The following STK4 variants were observed in gnomAD, a reference collection of about 807,000 sequenced individuals.
STK4 encodes serine/threonine kinase 4, also known as serine/threonine-protein kinase 4.
Under a neutral mutation model 64.9 loss-of-function variants are expected in STK4, and 30 were observed. The observed-to-expected ratio is 0.46, with a 90% CI of 0.35 to 0.63. The LOEUF (loss-of-function observed/expected upper bound fraction) is 0.63. Among genes scored for constraint, STK4 ranks in the 20% least tolerant of loss-of-function variants. The probability of loss-of-function intolerance (pLI) is 0.01; values close to 1 mark genes in which losing one functional copy is unlikely to be tolerated. For missense variants in STK4, 466 were observed against 598.5 expected (o/e 0.78, Z 2.31); for synonymous variants, 177 against 199.0 (o/e 0.89, Z 0.93).
intron 10 of STK4, among the ~76,000 whole-genome samples, chr20:45,047,541 T>C (rs772024115): frequency 2.6e-5 from 4 of 152,246 alleles, no homozygotes; most frequent in Non-Finnish European, 5.9e-5. Context: ...GAAATCTTTT[T>C]AAATTTCTTC....
intron 9 of STK4, among the ~76,000 whole-genome samples, chr20:45,014,645 A>G (rs1422977716): frequency 6.6e-6 from 1 of 152,130 alleles, no homozygotes; most frequent in African/African-American, 2.4e-5. Context: ...TTTGCCCCTC[A>G]TGAGGAAATG....
chr20:45,075,801 T>C lies in STK4; in HGVS notation c.*625T>C, dbSNP rs1360865397. The C allele has an allele frequency of 6.5e-6, 1 of 152,694 alleles. No homozygotes were observed. Among genetic ancestry groups the C allele is most frequent in the East Asian group, 1.9e-4 (1 of 5,196 alleles). The allele number at this position is 152,694 out of a possible 1,614,324, so 9.5% of individuals were successfully genotyped here. A position where few individuals can be genotyped will look rare whatever the true frequency, so the allele number is the denominator to read the frequency against. ...TCAGCCTTGTGTGGTCATCACTGGC[T>C]TCTGGAGCTATTGGTGATGTCCAAG... On this transcript the variant is annotated 3_prime_UTR_variant, in exon 11 of 11. Transcript: ENST00000372806.
At chr20:44,968,914 A>G (rs1023596989) in intron 1 of STK4, among the ~76,000 whole-genome samples, 1 of 152,188 alleles carries the variant, frequency 6.6e-6, no homozygotes, top group African/African-American at 2.4e-5. Context: ...GGTTTAAGCA[A>G]CGTAAATTTA....
intron 10 of STK4, chr20:45,053,058 A>T (rs1471108285): frequency 2.6e-6 from 4 of 1,513,420 alleles, no homozygotes; most frequent in Non-Finnish European, 3.7e-6. Flanking sequence ...TTTGGAATAT[A>T]ATGAGATTTT....
intron 9 of STK4, among the ~76,000 whole-genome samples, chr20:45,018,798 A>G (rs2068190493): frequency 6.6e-6 from 1 of 150,746 alleles, no homozygotes; most frequent in Non-Finnish European, 1.5e-5. Flanking sequence ...TGGCATGAGC[A>G]TAGCTTACTG....
intron 5 of STK4, among the ~76,000 whole-genome samples, chr20:44,988,114 G>T (rs1308606526): frequency 6.6e-6 from 1 of 151,976 alleles, no homozygotes; most frequent in Non-Finnish European, 1.5e-5. Flanking sequence ...TCTCCAAAAG[G>T]TTTTGTTGTT....
Position 44,995,106 on chromosome 20 carries a change from G to A in STK4, c.542G>A (p.Arg181Gln), listed in dbSNP as rs202070040. ...CTATTTTAGGATACCATGGCCAAGC[G>A]GAATACAGTGATAGGAACACCATTT... Reference protein sequence around the residue: ...AGQLTDTMAKRNTVIGTPFWM... With the variant: ...AGQLTDTMAKQNTVIGTPFWM... Residue 181 changes from arginine (R) to glutamine (Q), a missense_variant, in exon 6 of 11, where the codon CGG (arginine) becomes CAG (glutamine). Physicochemically the swap from Arg to Gln is conservative, Grantham distance 43. Around this residue, in one of 2 missense-constraint regions of STK4, gnomAD observed 190 missense variants for 289.7 expected, o/e 0.66. Coordinates refer to ENST00000372806, the MANE Select transcript of STK4 (RefSeq NM_006282.5). 8 of 1,605,918 alleles carry A rather than the reference G, an allele frequency of 5.0e-6. No individual in the cohort carries two copies. Among genetic ancestry groups the A allele is most frequent in the African/African-American group, 1.3e-5 (1 of 74,274 alleles).
At chr20:45,044,249 G>A (rs1012666024) in intron 10 of STK4, among the ~76,000 whole-genome samples, 2 of 152,130 alleles carry the variant, frequency 1.3e-5, no homozygotes, top group African/African-American at 4.8e-5. Flanking sequence ...AATAGATGCC[G>A]CCCTTTCACT....
At chr20:45,061,238 CT>C (rs1378133367) in intron 10 of STK4, among the ~76,000 whole-genome samples, 1 of 152,216 alleles carries the variant, frequency 6.6e-6, no homozygotes, top group Non-Finnish European at 1.5e-5. Context: ...CAAAATACTA[CT>C]TTAAGAATTT....
chr20:45,033,166 A>G (rs2068472981), intron 10 of STK4, among the ~76,000 whole-genome samples: 1 of 152,112 alleles, frequency 6.6e-6, no homozygotes, highest in Admixed American at 6.5e-5. Flanking sequence ...CAGATTCTGA[A>G]TATTAGATCT....
At chr20:45,067,354 A>T (rs1328135241) in intron 10 of STK4, among the ~76,000 whole-genome samples, 1 of 152,212 alleles carries the variant, frequency 6.6e-6, no homozygotes, top group African/African-American at 2.4e-5. Flanking sequence ...GTGACACTGG[A>T]GGAAGAATTG....
At chr20:44,998,742 C>G (rs186238661) in intron 7 of STK4, among the ~76,000 whole-genome samples, 2 of 152,268 alleles carry the variant, frequency 1.3e-5, no homozygotes, top group African/African-American at 4.8e-5. Context: ...CTGTGCCTGG[C>G]ATCATGAATG....
chr20:44,978,371 T>G, intron 2 of STK4, 72 bp from the exon 3 acceptor site: 1 of 1,534,290 alleles, frequency 6.5e-7, no homozygotes, highest in Non-Finnish European at 8.8e-7. Context: ...TATCAGTTGC[T>G]TGTGTTTTAC....
intron 10 of STK4, among the ~76,000 whole-genome samples, chr20:45,030,475 G>C (rs1260668311): frequency 1.3e-5 from 2 of 152,108 alleles, no homozygotes; most frequent in East Asian, 3.8e-4. Context: ...AGATAATTCT[G>C]TTTCCTCCTA....
At chr20:45,067,434 TG>T (rs1317817384) in intron 10 of STK4, among the ~76,000 whole-genome samples, 2 of 152,184 alleles carry the variant, frequency 1.3e-5, no homozygotes, top group Non-Finnish European at 2.9e-5. Flanking sequence ...CTCTCTTTGA[TG>T]GTTTTTAGGG....
rs1980410296 is a variant in STK4 at position 45,075,119 on chromosome 20, G to C, written c.1407G>C (p.Lys469Asn). 4 of 1,614,096 alleles carry C rather than the reference G, an allele frequency of 2.5e-6. No individual in the cohort carries two copies. The highest frequency in any genetic ancestry group is 3.4e-6 in the Non-Finnish European group (4 of 1,180,050). Residue 469 changes from lysine (K) to asparagine (N), a missense_variant, in exon 11 of 11, where the codon AAG (lysine) becomes AAC (asparagine). Physicochemically the swap from Lys to Asn is moderately conservative, Grantham distance 94. Transcript: ENST00000372806. ...AGATCCGGCAGAAGTACCAGTCCAA[G>C]CGGCAGCCCATCCTGGATGCCATAG... ...IEEIRQKYQS[K>N]RQPILDAIEA... is the part of the protein sequence containing the mutation.
chr20:44,972,195 C>T, intron 2 of STK4, 37 bp downstream of exon 2: 1 of 1,569,224 alleles, frequency 6.4e-7, no homozygotes, highest in South Asian at 1.1e-5. Flanking sequence ...TCATTGGGTC[C>T]CAGTCTTTTT....
chr20:44,977,703 C>T (rs1221106420), intron 2 of STK4, among the ~76,000 whole-genome samples: 1 of 152,064 alleles, frequency 6.6e-6, no homozygotes, highest in Non-Finnish European at 1.5e-5. Context: ...TCTGTAGCCT[C>T]CAAATTGACT....
At chr20:45,015,516 C>T (rs2068125562) in intron 9 of STK4, among the ~76,000 whole-genome samples, 1 of 152,208 alleles carries the variant, frequency 6.6e-6, no homozygotes, top group African/African-American at 2.4e-5. Context: ...TGTATGCTTG[C>T]CACTCACAGT....
Sources: allele counts gnomAD v4.1 joint callset (sites outside exome capture counted in the v4.1 genomes callset), GRCh38; gene constraint gnomAD v4.1.1; regional missense constraint gnomAD v4.1.1; transcripts MANE v1.5; gene names NCBI Gene and HGNC (gene_info 2026-07-23, HGNC 2026-07-21).